The following AIDA variants were observed in gnomAD, a reference collection of about 807,000 sequenced individuals.
AIDA encodes the protein axin interactor, dorsalization-associated protein.
In AIDA, 18 loss-of-function variants were observed where a neutral mutation model predicts 42.7. That is an observed-to-expected ratio of 0.42 (90% CI 0.29 to 0.63). The LOEUF (loss-of-function observed/expected upper bound fraction) is 0.63, where lower values mean the gene tolerates loss of function less well. AIDA is among the 20% of genes least tolerant of loss of function. The pLI, the probability that AIDA is intolerant of heterozygous loss-of-function variation, is 0.19. For synonymous variants in AIDA, 104 were observed against 122.9 expected (o/e 0.85, Z 1.02); for missense variants, 250 against 354.1 (o/e 0.71, Z 2.36).
intron 2 of AIDA, 51 bp from the exon 3 acceptor site, chr1:222,694,314 G>C: frequency 2.9e-6 from 4 of 1,393,308 alleles, no homozygotes; most frequent in Non-Finnish European, 4.0e-6. Context: ...ATAACTGTTA[G>C]TTCAAATCAT....
chr1:222,678,039 A>T (rs577943549), intron 6 of AIDA, among the ~76,000 whole-genome samples: 18 of 152,264 alleles, frequency 1.2e-4, no homozygotes, highest in Non-Finnish European at 2.5e-4. Context: ...ACTCTCCTTT[A>T]AAGGGACTAT....
Position 222,669,753 on chromosome 1 carries a change from T to G in AIDA, c.*140A>C, listed in dbSNP as rs1423605562. On this transcript the variant is annotated 3_prime_UTR_variant, in exon 10 of 10. Coordinates refer to ENST00000340020, the MANE Select transcript of AIDA (RefSeq NM_022831.4). The stretch of plus-strand genomic sequence containing the variant: ...GGACTCTGAATTCTGTGGTACAGCT[T>G]TGCATTGGACTCCGTCCGGCCTACT... 8.2e-6 allele frequency: 7 copies of G among 855,176 alleles called. No homozygotes were observed. Among genetic ancestry groups the G allele is most frequent in the Middle Eastern group, 3.6e-4 (1 of 2,754 alleles). 53.0% of individuals were successfully genotyped at this position (855,176 alleles called of 1,614,324 possible).
intron 6 of AIDA, among the ~76,000 whole-genome samples, chr1:222,685,240 A>C (rs755302375): frequency 2.0e-5 from 3 of 152,244 alleles, no homozygotes; most frequent in Non-Finnish European, 4.4e-5. Context: ...TATGAAAAAT[A>C]CAATGCTAAA....
chr1:222,698,484 T>A (rs1655582506), intron 2 of AIDA, among the ~76,000 whole-genome samples: 1 of 144,676 alleles, frequency 6.9e-6, no homozygotes, highest in Non-Finnish European at 1.5e-5. Context: ...GCAGTTTCAC[T>A]CTTGTTGCCC....
chr1:222,693,889 C>A (rs1002098890), intron 3 of AIDA, 46 bp from the exon 4 acceptor site: 1 of 1,416,714 alleles, frequency 7.1e-7, no homozygotes, highest in South Asian at 1.2e-5. Flanking sequence ...ACAAGGATTT[C>A]ACTGCACCCT....
intron 8 of AIDA, among the ~76,000 whole-genome samples, chr1:222,671,674 A>G (rs1200406890): frequency 1.3e-5 from 2 of 152,226 alleles, no homozygotes; most frequent in African/African-American, 4.8e-5. Context: ...ATCCACTCCC[A>G]ACACGCTCGA....
intron 6 of AIDA, among the ~76,000 whole-genome samples, 179 bp downstream of exon 6, chr1:222,686,751 G>A (rs911332419): frequency 5.9e-5 from 9 of 152,154 alleles, no homozygotes; most frequent in Non-Finnish European, 1.3e-4. Flanking sequence ...CCCTGACACA[G>A]ATAGTAAGAT....
At chr1:222,675,674 G>A (rs1016927522) in intron 7 of AIDA, among the ~76,000 whole-genome samples, 1 of 152,158 alleles carries the variant, frequency 6.6e-6, no homozygotes, top group Non-Finnish European at 1.5e-5. Flanking sequence ...CTCTTGGACA[G>A]GAAGGAGAAG....
rs187950813 is a variant in AIDA, at chr1:222,681,521, G to A, written c.461-5303C>T. Among the ~76,000 whole-genome samples, 56 of 152,160 alleles carry A rather than the reference G, an allele frequency of 3.7e-4. 1 individual carries two copies. The highest frequency in any genetic ancestry group is 2.9e-3 in the Admixed American group (45 of 15,276). Reference sequence around the variant, plus strand: ...TGCACTAAAAATACAAAAATGAGCCGGTGTGGTAGTGCATGACTGTAATCG... The same window carrying A: ...TGCACTAAAAATACAAAAATGAGCCAGTGTGGTAGTGCATGACTGTAATCG... On this transcript the variant is annotated intron_variant, in intron 6 of 9. Transcript: ENST00000340020.
At chr1:222,684,141 G>A (rs1461540039) in intron 6 of AIDA, among the ~76,000 whole-genome samples, 1 of 151,076 alleles carries the variant, frequency 6.6e-6, no homozygotes, top group African/African-American at 2.4e-5. Flanking sequence ...GACGGAGTCT[G>A]GCTGTTGTTA....
chr1:222,702,394 A>G (rs527797366), intron 2 of AIDA, among the ~76,000 whole-genome samples: 3 of 152,146 alleles, frequency 2.0e-5, no homozygotes, highest in South Asian at 2.1e-4. Context: ...TTCATTATCT[A>G]CAAGATTAAA....
At chr1:222,710,878 A>C (rs1026833298) in intron 1 of AIDA, among the ~76,000 whole-genome samples, 1 of 152,242 alleles carries the variant, frequency 6.6e-6, no homozygotes, top group Non-Finnish European at 1.5e-5. Context: ...GTGCAAAACA[A>C]ATGCTAGTAG....
chr1:222,694,266 G>T lies in AIDA; in HGVS notation c.181-3C>A. Reference sequence around the variant, plus strand: ...GTTGCAATTTTGCCTATGGTTTTCTGCAGGGGAATAAAAAAAGCTATAAAT... The same window carrying T: ...GTTGCAATTTTGCCTATGGTTTTCTTCAGGGGAATAAAAAAAGCTATAAAT... On this transcript the variant is annotated splice_region_variant and splice_polypyrimidine_tract_variant and intron_variant, in intron 2 of 9. Transcript: ENST00000340020. 1.9e-6 allele frequency: 3 copies of T among 1,610,262 alleles called. No homozygotes were observed. The highest frequency in any genetic ancestry group is 2.2e-5 in the South Asian group (2 of 90,208).
chr1:222,708,414 C>T (rs1655900872), intron 1 of AIDA, among the ~76,000 whole-genome samples: 1 of 151,026 alleles, frequency 6.6e-6, no homozygotes, highest in Non-Finnish European at 1.5e-5. Flanking sequence ...GTCACCCAGG[C>T]TGGAGTGCAG....
chr1:222,706,623 C>T (rs1374826824), intron 1 of AIDA, among the ~76,000 whole-genome samples: 4 of 152,050 alleles, frequency 2.6e-5, no homozygotes, highest in African/African-American at 4.8e-5. Context: ...AATCCCAGCA[C>T]ATTGGGAGGC....
At chr1:222,700,754 CA>C (rs35219178) in intron 2 of AIDA, among the ~76,000 whole-genome samples, 4,209 of 94,160 alleles carry the variant, frequency 0.045, 189 homozygotes, top group African/African-American at 0.14. Flanking sequence ...GACTCCGTCT[CA>C]AAAAAAAAAA....
chr1:222,711,358 C>G (rs909149780), intron 1 of AIDA: 3 of 152,164 alleles, frequency 2.0e-5, no homozygotes, highest in African/African-American at 7.2e-5. Flanking sequence ...TCTTAGGTTG[C>G]TCAAGGAAAC....
intron 2 of AIDA, among the ~76,000 whole-genome samples, chr1:222,700,651 A>T (rs1278586552): frequency 1.3e-5 from 2 of 151,552 alleles, no homozygotes; most frequent in African/African-American, 4.8e-5. Flanking sequence ...GCTACTCGGG[A>T]GGCTGAGGCA....
At chr1:222,708,352 A>G (rs1288573680) in intron 1 of AIDA, among the ~76,000 whole-genome samples, 1 of 150,882 alleles carries the variant, frequency 6.6e-6, no homozygotes, top group Non-Finnish European at 1.5e-5. Context: ...CTTCAGACTC[A>G]TTGATTCACT....
Sources: allele counts gnomAD v4.1 joint callset (sites outside exome capture counted in the v4.1 genomes callset), GRCh38; gene constraint gnomAD v4.1.1; transcripts MANE v1.5; gene names NCBI Gene and HGNC (gene_info 2026-07-23, HGNC 2026-07-21).